The following FMN2 variants were observed in gnomAD, a reference collection of about 807,000 sequenced individuals.
FMN2 encodes the protein formin 2.
In FMN2, 51 loss-of-function variants were observed where a neutral mutation model predicts 142.3. The ratio of observed to expected loss-of-function variants is 0.36; its 90% confidence interval spans 0.29 to 0.45. The LOEUF (loss-of-function observed/expected upper bound fraction) is 0.45, where lower values mean the gene tolerates loss of function less well. Ranked by LOEUF, FMN2 falls within the 20% of genes least tolerant of loss-of-function variation. The probability of loss-of-function intolerance (pLI) is 1.00; values close to 1 mark genes in which losing one functional copy is unlikely to be tolerated. For missense variants in FMN2, 1,936 were observed against 2,122.8 expected, an observed-to-expected ratio of 0.91 and a Z score of 1.73; for synonymous variants, 882 against 869.8, an observed-to-expected ratio of 1.01 and a Z score of -0.25.
chr1:240,137,163 G>T (rs1029505046), intron 2 of FMN2, among the ~76,000 whole-genome samples: 1 of 151,436 alleles, frequency 6.6e-6, no homozygotes, highest in African/African-American at 2.4e-5. Context: ...AGCTTAAAGG[G>T]TTTTTTTGTT....
chr1:240,359,073 C>T (rs1191992059), intron 14 of FMN2, among the ~76,000 whole-genome samples: 2 of 151,958 alleles, frequency 1.3e-5, no homozygotes, highest in East Asian at 1.9e-4. Flanking sequence ...TGCAGTGAGC[C>T]GAGATTGTGC....
intron 15 of FMN2, among the ~76,000 whole-genome samples, chr1:240,420,694 A>G (rs899077682): frequency 3.3e-5 from 5 of 152,156 alleles, no homozygotes; most frequent in African/African-American, 1.2e-4. Flanking sequence ...AGGATATTTT[A>G]TCAGATTAGC....
intron 13 of FMN2, among the ~76,000 whole-genome samples, chr1:240,349,682 C>A (rs12137050): frequency 0.18 from 27,384 of 152,114 alleles, 2,812 homozygotes; most frequent in Admixed American, 0.29. Context: ...TTTCCTCTGG[C>A]TGGGTTATTC....
At chr1:240,443,052 G>A (rs1411267099) in intron 16 of FMN2, among the ~76,000 whole-genome samples, 2 of 152,122 alleles carry the variant, frequency 1.3e-5, no homozygotes, top group South Asian at 2.1e-4. Flanking sequence ...TAATAAAAAT[G>A]GTATCCTGGT....
rs528271773 is a variant in FMN2, at chr1:240,243,389, A to G, written c.4066-14556A>G. ...TGAGATAGCCAACAACAGTATGTCT[A>G]AAGAGTTCTTGGAGAAATCACACTT... On this transcript the variant is annotated intron_variant, in intron 6 of 17. Transcript: ENST00000319653. 1.2e-4 allele frequency among the ~76,000 whole-genome samples: 18 copies of G among 152,228 alleles called. No homozygotes were observed. In the South Asian group the frequency reaches 3.5e-3, roughly 30 times the overall value.
chr1:240,472,444 C>T lies in FMN2; in HGVS notation c.5133C>T (p.Asp1711=), dbSNP rs978896680. The change falls in exon 17 of 18, where the codon GAC becomes GAT. Residue 1711 remains aspartate, a synonymous_variant. Transcript: ENST00000319653. ...KSLYKIKPRH[D]SGIKAKISMK... The stretch of plus-strand genomic sequence containing the variant: ...TTTATAAAATAAAACCAAGACATGA[C>T]TCTGGAATTGTAAGTATTACTGATT... 3 of 1,601,932 alleles carry T rather than the reference C, an allele frequency of 1.9e-6. No homozygotes were observed. The highest frequency in any genetic ancestry group is 2.7e-5 in the African/African-American group (2 of 74,426).
chr1:240,165,810 G>A (rs979191933), intron 2 of FMN2, among the ~76,000 whole-genome samples: 11 of 152,080 alleles, frequency 7.2e-5, no homozygotes, highest in Admixed American at 3.9e-4. Flanking sequence ...TGTTCGACCT[G>A]CCTTCTTCTA....
chr1:240,110,551 G>A (rs1316561495), intron 1 of FMN2, among the ~76,000 whole-genome samples: 1 of 152,142 alleles, frequency 6.6e-6, no homozygotes, highest in Non-Finnish European at 1.5e-5. Context: ...CCCTAACTGC[G>A]GTGTCCATGT....
chr1:240,340,361 G>C (rs981532528), intron 13 of FMN2, among the ~76,000 whole-genome samples: 2 of 151,980 alleles, frequency 1.3e-5, no homozygotes, highest in African/African-American at 4.8e-5. Flanking sequence ...CAGGTGGATT[G>C]CTTGAGGTCA....
At chr1:240,205,158 ATCTGGAACAC>A (rs551813427) in intron 4 of FMN2, among the ~76,000 whole-genome samples, 221 of 152,222 alleles carry the variant, frequency 1.5e-3, no homozygotes, top group African/African-American at 4.9e-3. Context: ...TATGGGGATC[ATCTGGAACAC>A]TCTGGAACAC....
intron 16 of FMN2, among the ~76,000 whole-genome samples, chr1:240,446,336 C>T (rs765787923): frequency 6.6e-6 from 1 of 152,148 alleles, no homozygotes; most frequent in Non-Finnish European, 1.5e-5. Flanking sequence ...GAGCTAAGAA[C>T]GTGGCTTGTC....
At chr1:240,326,257 A>G (rs1170595005) in intron 8 of FMN2, among the ~76,000 whole-genome samples, 2 of 152,206 alleles carry the variant, frequency 1.3e-5, no homozygotes, top group Admixed American at 6.5e-5. Context: ...TGGGGCATAG[A>G]TAAAGTGACA....
At chr1:240,419,092 G>A (rs1383546329) in intron 15 of FMN2, among the ~76,000 whole-genome samples, 3 of 152,106 alleles carry the variant, frequency 2.0e-5, no homozygotes, top group African/African-American at 7.2e-5. Flanking sequence ...TGGGCAACAA[G>A]AGCAAAACTC....
At chr1:240,192,331 A>G (rs1665730428) in intron 4 of FMN2, among the ~76,000 whole-genome samples, 1 of 152,218 alleles carries the variant, frequency 6.6e-6, no homozygotes, top group Non-Finnish European at 1.5e-5. Context: ...GGTCAGATCA[A>G]AAGAAAGTGG....
chr1:240,125,040 T>C (rs559891675), intron 2 of FMN2, among the ~76,000 whole-genome samples: 1 of 152,308 alleles, frequency 6.6e-6, no homozygotes, highest in East Asian at 1.9e-4. Context: ...CCTTCTTCAA[T>C]ATATAGGAAT....
intron 15 of FMN2, among the ~76,000 whole-genome samples, chr1:240,433,624 C>T (rs1360734915): frequency 2.6e-5 from 4 of 152,186 alleles, no homozygotes; most frequent in Non-Finnish European, 5.9e-5. Context: ...TACTATACAT[C>T]CTTTCTTCTG....
At chr1:240,130,485 G>A (rs1375014429) in intron 2 of FMN2, among the ~76,000 whole-genome samples, 2 of 151,984 alleles carry the variant, frequency 1.3e-5, no homozygotes, top group African/African-American at 2.4e-5. Context: ...TGTATTTTTA[G>A]TAGAAACAGG....
chr1:240,145,263 C>G lies in FMN2; in HGVS notation c.1782+21918C>G, dbSNP rs563023669. ...GACAGCTCCTGTTCTTTGTCCTTGT[C>G]CCCGGCATCCCGCCGCTCCTTGCCG... On this transcript the variant is annotated intron_variant, in intron 2 of 17. Transcript: ENST00000319653. 4.7e-5 allele frequency: 68 copies of G among 1,448,848 alleles called. No individual in the cohort carries two copies. The African/African-American group carries it at 8.8e-4, about 19-fold the overall frequency. The allele number at this position is 1,448,848 out of a possible 1,614,324, so 89.7% of individuals were successfully genotyped here. A position where few individuals can be genotyped will look rare whatever the true frequency, so the allele number is the denominator to read the frequency against.
chr1:240,471,474 C>T (rs1034576069), intron 16 of FMN2, among the ~76,000 whole-genome samples: 1 of 150,212 alleles, frequency 6.7e-6, no homozygotes, highest in African/African-American at 2.5e-5. Context: ...CTCTTGGGTT[C>T]ACACCATTCT....
Sources: allele counts gnomAD v4.1 joint callset (sites outside exome capture counted in the v4.1 genomes callset), GRCh38; gene constraint gnomAD v4.1.1; transcripts MANE v1.5; gene names NCBI Gene and HGNC (gene_info 2026-07-23, HGNC 2026-07-21).